MIB1: variants seen among roughly 807,000 people sequenced by gnomAD.
MIB1 encodes the protein E3 ubiquitin-protein ligase MIB1.
A neutral mutation model predicts 124.5 loss-of-function variants in MIB1; 278 were observed. That is an observed-to-expected ratio of 2.23 (90% confidence interval 2.02 to 2.47). The LOEUF is 2.47. MIB1 is among the 30% of genes most tolerant of loss of function. The pLI, the probability that MIB1 is intolerant of heterozygous loss-of-function variation, is 0.00. For synonymous variants in MIB1, 446 were observed against 429.4 expected (o/e 1.04, Z -0.48); for missense variants, 957 against 1,254.4 (o/e 0.76, Z 3.58).
chr18:21,738,724 G>C (rs746365259), upstream of MIB1, among the ~76,000 whole-genome samples: 2 of 147,314 alleles, frequency 1.4e-5, no homozygotes, highest in Admixed American at 6.9e-5. Context: ...GGAGAATGGC[G>C]TGAACCCGGG....
At chr18:21,773,481 A>T in intron 3 of MIB1, 143 bp from the exon 4 acceptor site, 1 of 599,094 alleles carries the variant, frequency 1.7e-6, no homozygotes, top group Non-Finnish European at 2.9e-6. Context: ...GCAGTGACAT[A>T]TTTGGCAAAT....
chr18:21,793,662 T>C (rs749292050), intron 7 of MIB1, among the ~76,000 whole-genome samples: 1 of 151,244 alleles, frequency 6.6e-6, no homozygotes, highest in Non-Finnish European at 1.5e-5. Context: ...GTGCCTGTAA[T>C]CCCAGGTACT....
intron 5 of MIB1, among the ~76,000 whole-genome samples, chr18:21,778,370 T>A (rs2041317025): frequency 6.6e-6 from 1 of 152,224 alleles, no homozygotes; most frequent in Admixed American, 6.5e-5. Flanking sequence ...TCTTGAGAAT[T>A]CATTGGCCAT....
chr18:21,855,281 A>G (rs2042216568), intron 18 of MIB1, among the ~76,000 whole-genome samples: 1 of 152,226 alleles, frequency 6.6e-6, no homozygotes, highest in Admixed American at 6.5e-5. Flanking sequence ...CAGTACCCCC[A>G]TCGCAGTCAT....
intron 10 of MIB1, among the ~76,000 whole-genome samples, chr18:21,810,709 C>T (rs1414027047): frequency 1.3e-5 from 2 of 151,306 alleles, no homozygotes; most frequent in East Asian, 3.9e-4. Context: ...GGAACCTTAC[C>T]TAACACTATA....
chr18:21,716,939 C>G (rs1025889983), intron 1 of MIB1, among the ~76,000 whole-genome samples: 8 of 151,996 alleles, frequency 5.3e-5, no homozygotes, highest in Non-Finnish European at 1.5e-5. Flanking sequence ...AAGAGACTTA[C>G]CTAACACAGA....
intron 6 of MIB1, among the ~76,000 whole-genome samples, chr18:21,784,132 T>C (rs2146433189): frequency 6.7e-6 from 1 of 148,954 alleles, no homozygotes; most frequent in Non-Finnish European, 1.5e-5. Context: ...CACTGTGACC[T>C]CCGACTCCCT....
chr18:21,817,154 CTTTTTTTTTTT>C (rs1040673828), intron 11 of MIB1, among the ~76,000 whole-genome samples: 3 of 75,012 alleles, frequency 4.0e-5, no homozygotes, highest in East Asian at 4.5e-4. Context: ...GTTAGGAATT[CTTTTTTTTTTT>C]TTTTTTTTTT....
In MIB1 at chr18:21,791,457, C is replaced by A. The variant is rs1363410355; in HGVS notation, c.992C>A (p.Ser331Ter). The A allele has an allele frequency of 6.2e-7, 1 of 1,613,914 alleles. No individual in the cohort carries two copies. ...GCTCAGGGTGCAGAAGGAGGCACCT[C>A]GCAGTTTCAAGTGGGTGATCTTGTA... ...DAAQGAEGGT[S>*]QFQVGDLVQV... Residue 331 changes from serine to a stop codon, truncating the protein, a stop_gained, in exon 7 of 21, where the codon TCG becomes TAG. Coordinates refer to ENST00000261537, the MANE Select transcript of MIB1 (RefSeq NM_020774.4). LOFTEE classifies it high-confidence loss of function.
intron 3 of MIB1, among the ~76,000 whole-genome samples, chr18:21,770,824 A>T (rs2041216675): frequency 6.6e-6 from 1 of 152,082 alleles, no homozygotes; most frequent in Non-Finnish European, 1.5e-5. Context: ...TTATTAACTT[A>T]AAAAAATACC....
In MIB1 at chr18:21,838,502, G is replaced by A; in HGVS notation, c.1962+5G>A. 6.3e-7 allele frequency: 1 copy of A among 1,577,686 alleles called. No homozygotes were observed. On this transcript the variant is annotated splice_donor_5th_base_variant and intron_variant, in intron 13 of 20. Transcript: ENST00000261537. Reference sequence around the variant, plus strand: ...GCTGAACTGTTGGTACATCAGGTAAGAAAAGAGTTAAATAATTCCCTCTTT... The same window carrying A: ...GCTGAACTGTTGGTACATCAGGTAAAAAAAGAGTTAAATAATTCCCTCTTT...
intron 12 of MIB1, among the ~76,000 whole-genome samples, chr18:21,823,243 A>G (rs570813542): frequency 1.3e-5 from 2 of 151,858 alleles, no homozygotes; most frequent in East Asian, 3.9e-4. Context: ...AAAAAAAAAA[A>G]AAAAAGAATC....
chr18:21,800,329 A>C (rs898949152), intron 9 of MIB1, among the ~76,000 whole-genome samples: 43 of 151,562 alleles, frequency 2.8e-4, no homozygotes, highest in African/African-American at 9.0e-4. Flanking sequence ...TTTTCTTTTT[A>C]TTTTTAATTT....
At chr18:21,841,095 G>A (rs766931451) in intron 13 of MIB1, among the ~76,000 whole-genome samples, 2 of 152,054 alleles carry the variant, frequency 1.3e-5, no homozygotes, top group Non-Finnish European at 2.9e-5. Context: ...GCTGGGTGCG[G>A]TGGCTCATGC....
intron 16 of MIB1, among the ~76,000 whole-genome samples, chr18:21,848,077 T>C (rs931313561): frequency 1.3e-5 from 2 of 152,230 alleles, no homozygotes; most frequent in African/African-American, 4.8e-5. Flanking sequence ...AATCTGTGCA[T>C]AGAACTGTGT....
At position 21,740,848 on chromosome 18, in the gene MIB1, C is replaced by G. The variant is rs1031271868; in HGVS notation, c.-736C>G. 6.6e-6 allele frequency among the ~76,000 whole-genome samples: 1 copy of G among 152,260 alleles called. No homozygotes were observed. ...TTTTCTCCTCCTTTCTTCCCGCGAT[C>G]GCGCGGCTCTCTGGAAGCCTTCCCA... On this transcript the variant is annotated 5_prime_UTR_variant, in exon 1 of 21. It adds an upstream start codon to the 5' untranslated region. Coordinates refer to ENST00000261537, the MANE Select transcript of MIB1 (RefSeq NM_020774.4).
chr18:21,783,415 G>A (rs1263439088), intron 6 of MIB1, among the ~76,000 whole-genome samples: 2 of 151,832 alleles, frequency 1.3e-5, no homozygotes, highest in Non-Finnish European at 2.9e-5. Flanking sequence ...GCTAATTTTT[G>A]TATTTTTAGT....
chr18:21,788,441 A>ACAAT (rs1433809215), intron 6 of MIB1, among the ~76,000 whole-genome samples: 1 of 152,232 alleles, frequency 6.6e-6, no homozygotes, highest in Non-Finnish European at 1.5e-5. Context: ...AAAACACTAA[A>ACAAT]CAAACTGGGA....
chr18:21,784,062 T>G (rs1431802366), intron 6 of MIB1, among the ~76,000 whole-genome samples: 1 of 151,528 alleles, frequency 6.6e-6, no homozygotes, highest in Non-Finnish European at 1.5e-5. Context: ...TTTTTTTTTT[T>G]TTTTTGATAC....
Sources: allele counts gnomAD v4.1 joint callset (sites outside exome capture counted in the v4.1 genomes callset), GRCh38; gene constraint gnomAD v4.1.1; transcripts MANE v1.5; gene names NCBI Gene and HGNC (gene_info 2026-07-23, HGNC 2026-07-21).